Variants in LPCAT1 observed in about 807,000 individuals in gnomAD.
The protein encoded by LPCAT1 is 1-acylglycerol-3-phosphate O-acyltransferase.
Under a neutral mutation model 60.9 loss-of-function variants are expected in LPCAT1, and 23 were observed. The ratio of observed to expected loss-of-function variants is 0.38; its 90% CI spans 0.27 to 0.53. The LOEUF (loss-of-function observed/expected upper bound fraction) is 0.53, where lower values mean the gene tolerates loss of function less well. LPCAT1 is among the 20% of genes least tolerant of loss of function. The probability of loss-of-function intolerance (pLI) is 0.82; values close to 1 mark genes in which losing one functional copy is unlikely to be tolerated. For synonymous variants in LPCAT1, 340 were observed against 301.1 expected (o/e 1.13, Z -1.34); for missense variants, 622 against 723.6 (o/e 0.86, Z 1.61).
intron 5 of LPCAT1, among the ~76,000 whole-genome samples, chr5:1,486,068 G>A: frequency 6.6e-6 from 1 of 152,168 alleles, no homozygotes; most frequent in Non-Finnish European, 1.5e-5. Context: ...GACCTTCCAG[G>A]AGGGGTCTCC....
intron 1 of LPCAT1, among the ~76,000 whole-genome samples, chr5:1,504,506 C>T (rs1560987497): frequency 2.0e-5 from 3 of 152,154 alleles, no homozygotes; most frequent in Admixed American, 6.5e-5. Context: ...CGCCTGCGGT[C>T]GGGAGTTCGA....
intron 1 of LPCAT1, among the ~76,000 whole-genome samples, chr5:1,517,386 T>C (rs138125585): frequency 6.6e-6 from 1 of 152,300 alleles, no homozygotes; most frequent in African/African-American, 2.4e-5. Context: ...GAAGCCTAGC[T>C]TGGACACTCC....
intron 5 of LPCAT1, among the ~76,000 whole-genome samples, chr5:1,488,065 G>A (rs922067141): frequency 6.6e-6 from 1 of 152,096 alleles, no homozygotes; most frequent in Non-Finnish European, 1.5e-5. Flanking sequence ...GCCAAGAAGG[G>A]TACCCTGAGC....
intron 1 of LPCAT1, among the ~76,000 whole-genome samples, chr5:1,509,520 G>A (rs566112293): frequency 3.4e-4 from 52 of 152,234 alleles, no homozygotes; most frequent in African/African-American, 1.2e-3. Context: ...GCATCCCATC[G>A]GACGGAGCCG....
intron 1 of LPCAT1, among the ~76,000 whole-genome samples, chr5:1,510,405 T>C (rs565818432): frequency 6.6e-6 from 1 of 152,348 alleles, no homozygotes; most frequent in Admixed American, 6.5e-5. Flanking sequence ...CTCGGCACCA[T>C]CACCTACCCG....
chr5:1,461,904 A>G lies in LPCAT1; in HGVS notation c.*1747T>C, dbSNP rs1734112324. ...ATGAATCTTTACGCATTCTCCAATT[A>G]TAAAATCAGTGACTGTTAGCTACCA... On this transcript the variant is annotated 3_prime_UTR_variant, in exon 14 of 14. Transcript: ENST00000283415. The G allele has an allele frequency of 6.6e-6, 1 of 152,556 alleles. No homozygotes were observed. Among genetic ancestry groups the G allele is most frequent in the African/African-American group, 2.4e-5 (1 of 41,448 alleles). 9.5% of individuals were successfully genotyped at this position (152,556 alleles called of 1,614,324 possible). A position where few individuals can be genotyped will look rare whatever the true frequency, so the allele number is the denominator to read the frequency against.
At chr5:1,475,864 T>C (rs1239270978) in intron 9 of LPCAT1, among the ~76,000 whole-genome samples, 2 of 139,844 alleles carry the variant, frequency 1.4e-5, no homozygotes, top group Admixed American at 7.1e-5. Context: ...CCCTCCCATC[T>C]CCACTCCGAG....
rs202180240 is a variant in LPCAT1, at chr5:1,477,068, G to A, written c.899+336C>T. 1.2e-3 allele frequency among the ~76,000 whole-genome samples: 188 copies of A among 152,334 alleles called. 3 individuals carry two copies. In the South Asian group the frequency reaches 0.029, roughly 24 times the overall value. Reference sequence around the variant, plus strand: ...CAGATGAGCAAAGGTAGGCGTGGAGGCCGCCGCACAGATGTGAAGTTGGCC... The same window carrying A: ...CAGATGAGCAAAGGTAGGCGTGGAGACCGCCGCACAGATGTGAAGTTGGCC... On this transcript the variant is annotated intron_variant, in intron 9 of 13. Transcript: ENST00000283415. The surrounding 1 kb of genome is among the most constrained non-coding windows in gnomAD (Gnocchi z 6.0).
intron 5 of LPCAT1, 74 bp downstream of exon 5, chr5:1,488,317 C>G: frequency 1.1e-6 from 1 of 946,412 alleles, no homozygotes; most frequent in Non-Finnish European, 1.6e-6. Flanking sequence ...GTGCACAGCA[C>G]ATTATTAAAA....
At chr5:1,517,586 T>C (rs2963278) in intron 1 of LPCAT1, among the ~76,000 whole-genome samples, 69,954 of 151,924 alleles carry the variant, frequency 0.46, 16,122 homozygotes, top group Middle Eastern at 0.59. Flanking sequence ...TCGAGTCCCG[T>C]GCCCGGCTCC....
rs968473200 is a variant in LPCAT1 at position 1,522,894 on chromosome 5, G to A, written c.135+816C>T. 3.9e-5 allele frequency among the ~76,000 whole-genome samples: 6 copies of A among 152,108 alleles called. No individual in the cohort carries two copies. The highest frequency in any genetic ancestry group is 1.4e-4 in the African/African-American group (6 of 41,422). On this transcript the variant is annotated intron_variant, in intron 1 of 13. Coordinates refer to ENST00000283415, the MANE Select transcript of LPCAT1 (RefSeq NM_024830.5). The surrounding 1 kb of genome is among the most constrained non-coding windows in gnomAD (Gnocchi z 6.8). ...AGCCAGGCTGAGCCAGCACATCCCC[G>A]GTGCAGCTTCCTGCAGCGAGCGGCC... is the stretch of plus-strand genomic sequence containing the variant.
intron 5 of LPCAT1, among the ~76,000 whole-genome samples, chr5:1,484,691 C>T (rs1057379331): frequency 2.6e-5 from 4 of 152,228 alleles, no homozygotes; most frequent in Non-Finnish European, 1.5e-5. Flanking sequence ...GCCAGAGGCC[C>T]GTGTCAGGGC....
chr5:1,518,572 C>T (rs13358294), intron 1 of LPCAT1, among the ~76,000 whole-genome samples: 6,508 of 152,342 alleles, frequency 0.043, 435 homozygotes, highest in African/African-American at 0.15. Context: ...GATCTCCCGA[C>T]CTCATGATCC....
chr5:1,463,450 T>C lies in LPCAT1; in HGVS notation c.*201A>G. On this transcript the variant is annotated 3_prime_UTR_variant, in exon 14 of 14. Transcript: ENST00000283415. ...GGGGATCCGCGTGCGCGCCCTCCGA[T>C]TCTCGCACAGTAAGCGTCGGTTCTG... is the stretch of plus-strand genomic sequence containing the variant. 2 of 625,500 alleles carry C rather than the reference T, an allele frequency of 3.2e-6. No homozygotes were observed. Among genetic ancestry groups the C allele is most frequent in the Non-Finnish European group, 5.4e-6 (2 of 372,472 alleles). The allele number at this position is 625,500 out of a possible 1,614,324, so 38.7% of individuals were successfully genotyped here. A position where few individuals can be genotyped will look rare whatever the true frequency, so the allele number is the denominator to read the frequency against.
At chr5:1,497,730 C>G (rs947287394) in intron 2 of LPCAT1, among the ~76,000 whole-genome samples, 2 of 152,182 alleles carry the variant, frequency 1.3e-5, no homozygotes, top group South Asian at 4.1e-4. Flanking sequence ...GTTTGATGCT[C>G]AAGTTCAAGC....
At chr5:1,515,239 T>A (rs1736470937) in intron 1 of LPCAT1, among the ~76,000 whole-genome samples, 1 of 145,584 alleles carries the variant, frequency 6.9e-6, no homozygotes, top group South Asian at 2.2e-4. Flanking sequence ...TACTCCGAAC[T>A]GGCCGCAGAT....
chr5:1,478,662 C>A (rs1297058924), intron 8 of LPCAT1, among the ~76,000 whole-genome samples: 1 of 152,276 alleles, frequency 6.6e-6, no homozygotes, highest in Non-Finnish European at 1.5e-5. Context: ...GCAGCTTATC[C>A]TCTATGGAAG....
chr5:1,499,014 A>G (rs980741701), intron 2 of LPCAT1, among the ~76,000 whole-genome samples: 1 of 152,254 alleles, frequency 6.6e-6, no homozygotes, highest in South Asian at 2.1e-4. Flanking sequence ...GATCTCATGA[A>G]GCAGAGGTGA....
intron 1 of LPCAT1, among the ~76,000 whole-genome samples, chr5:1,516,754 C>G (rs1020735426): frequency 3.3e-5 from 5 of 152,114 alleles, no homozygotes; most frequent in African/African-American, 1.2e-4. Flanking sequence ...GGCTGCTGTC[C>G]CCAGGTACCA....
Sources: allele counts gnomAD v4.1 joint callset (sites outside exome capture counted in the v4.1 genomes callset), GRCh38; gene constraint gnomAD v4.1.1; non-coding constraint Gnocchi (gnomAD v3.1); transcripts MANE v1.5; gene names NCBI Gene and HGNC (gene_info 2026-07-23, HGNC 2026-07-21).